Variants in RBFOX3 observed in about 807,000 individuals in gnomAD.
RBFOX3 encodes RNA binding protein fox-1 homolog 3.
Under a neutral mutation model 48.7 loss-of-function variants are expected in RBFOX3, and 17 were observed. The observed-to-expected ratio is 0.35, with a 90% CI of 0.24 to 0.52. The LOEUF is 0.52. Ranked by LOEUF, RBFOX3 falls within the 20% of genes least tolerant of loss-of-function variation. The pLI is 0.94. For synonymous variants in RBFOX3, 212 were observed against 209.5 expected (o/e 1.01, Z -0.10); for missense variants, 382 against 497.5 (o/e 0.77, Z 2.21).
chr17:79,096,726 G>A lies in RBFOX3; in HGVS notation c.863C>T (p.Ala288Val). 2 of 1,549,592 alleles carry A rather than the reference G, an allele frequency of 1.3e-6. No individual in the cohort carries two copies. ...TPEPAYPTSP[A>V]FPPLSCPFAS... ...AAACGGACAAGAAAGTGGTGGGAAC[G>A]CTGGAGAGGTGGGGTAGGCCGGCTC... Residue 288 changes from alanine (A) to valine (V), a missense_variant, in exon 12 of 15, where the codon GCG becomes GTG. Physicochemically the swap from Ala to Val is moderately conservative, Grantham distance 64. Transcript: ENST00000693108.
chr17:79,560,675 C>T (rs919857791), intron 1 of RBFOX3, among the ~76,000 whole-genome samples: 1 of 152,196 alleles, frequency 6.6e-6, no homozygotes, highest in Non-Finnish European at 1.5e-5. Context: ...CCTCACCTCA[C>T]CACAGCCAGA....
intron 9 of RBFOX3, chr17:79,099,774 GAC>G (rs1276397901): frequency 1.3e-4 from 20 of 152,344 alleles, no homozygotes; most frequent in African/African-American, 4.8e-4. Context: ...AGATGGCAGA[GAC>G]AGCCTGAGAC....
chr17:79,286,617 C>A (rs944955489), intron 3 of RBFOX3, among the ~76,000 whole-genome samples: 13 of 152,236 alleles, frequency 8.5e-5, no homozygotes, highest in Non-Finnish European at 1.9e-4. Context: ...CCAGCCTCGC[C>A]AGCCACCCCG....
chr17:79,487,860 C>T (rs760180999), intron 1 of RBFOX3, among the ~76,000 whole-genome samples: 63 of 146,198 alleles, frequency 4.3e-4, no homozygotes, highest in Non-Finnish European at 7.7e-4. Context: ...TGCAGTGAGC[C>T]GAGATCGCTC....
intron 2 of RBFOX3, among the ~76,000 whole-genome samples, chr17:79,407,831 G>A (rs934574781): frequency 1.3e-5 from 2 of 152,212 alleles, no homozygotes; most frequent in Admixed American, 6.5e-5. Flanking sequence ...CCTGTTCTCA[G>A]AGTCCTCTTT....
upstream of RBFOX3, among the ~76,000 whole-genome samples, chr17:79,611,169 T>TCTCTCTCTCTCTCTCGCTCTCGCTCGCG: frequency 7.7e-5 from 2 of 25,908 alleles, 1 homozygote. Flanking sequence ...TCTCTCTCTC[T>TCTCTCTCTCTCTCTCGCTCTCGCTCGCG]CTCTCCGCCC....
At chr17:79,295,420 G>T (rs1281315902) in intron 3 of RBFOX3, among the ~76,000 whole-genome samples, 1 of 152,158 alleles carries the variant, frequency 6.6e-6, no homozygotes, top group Non-Finnish European at 1.5e-5. Context: ...GTGAGGGAGC[G>T]AGGGAGGGAT....
chr17:79,349,222 C>G (rs1488120948), intron 2 of RBFOX3, among the ~76,000 whole-genome samples: 3 of 152,096 alleles, frequency 2.0e-5, no homozygotes, highest in Non-Finnish European at 4.4e-5. Flanking sequence ...TATCCCTGCT[C>G]AGCCCCTGCA....
intron 1 of RBFOX3, among the ~76,000 whole-genome samples, chr17:79,504,419 GT>G (rs2082798947): frequency 6.6e-6 from 1 of 152,184 alleles, no homozygotes; most frequent in Admixed American, 6.5e-5. Flanking sequence ...CACAAATAGA[GT>G]CGCTCAAAGC....
intron 3 of RBFOX3, among the ~76,000 whole-genome samples, chr17:79,251,252 T>C (rs887226990): frequency 5.3e-5 from 8 of 152,118 alleles, no homozygotes; most frequent in African/African-American, 1.9e-4. Context: ...AGGTTTACAA[T>C]CCAGATCTCT....
chr17:79,543,528 C>T (rs1555790965), intron 1 of RBFOX3, among the ~76,000 whole-genome samples: 2 of 152,148 alleles, frequency 1.3e-5, no homozygotes, highest in East Asian at 3.9e-4. Context: ...TACTCAGCTA[C>T]TCGGCACAGA....
At chr17:79,566,271 C>T (rs1287068513) in intron 1 of RBFOX3, among the ~76,000 whole-genome samples, 2 of 152,208 alleles carry the variant, frequency 1.3e-5, no homozygotes, top group East Asian at 3.9e-4. Context: ...TGCGTAAGCA[C>T]GTCTTGCCAT....
the RBFOX3 span, among the ~76,000 whole-genome samples, chr17:79,618,883 G>A: frequency 9.9e-5 from 15 of 152,130 alleles, no homozygotes; most frequent in Admixed American, 8.5e-4. Flanking sequence ...GGGAGCAGGA[G>A]GAGGAACTAG....
intron 4 of RBFOX3, among the ~76,000 whole-genome samples, chr17:79,218,173 A>C (rs921602731): frequency 2.6e-5 from 4 of 151,962 alleles, no homozygotes; most frequent in African/African-American, 9.7e-5. Flanking sequence ...GTGTGTGGGC[A>C]TCAGGTGGAC....
intron 12 of RBFOX3, among the ~76,000 whole-genome samples, chr17:79,096,037 G>A (rs1246057382): frequency 6.6e-6 from 1 of 152,178 alleles, no homozygotes; most frequent in African/African-American, 2.4e-5. Context: ...CACCAGGAAG[G>A]GTCAAGGGTA....
chr17:79,095,146 C>T (rs947829839), intron 13 of RBFOX3, among the ~76,000 whole-genome samples: 12 of 151,632 alleles, frequency 7.9e-5, no homozygotes, highest in African/African-American at 2.9e-4. Context: ...ACCAACAGGC[C>T]AGATGTCTGA....
intron 3 of RBFOX3, among the ~76,000 whole-genome samples, chr17:79,246,926 A>G (rs8072671): frequency 0.23 from 34,534 of 152,162 alleles, 4,099 homozygotes; most frequent in Non-Finnish European, 0.26. Flanking sequence ...GGCAGACGGC[A>G]CCACTCAGCA....
At chr17:79,321,443 G>A (rs12603040) in intron 2 of RBFOX3, among the ~76,000 whole-genome samples, 34,010 of 152,102 alleles carry the variant, frequency 0.22, 4,554 homozygotes, top group African/African-American at 0.36. Context: ...CTCCTAACTG[G>A]AGCCGAGACA....
At chr17:79,272,312 C>A (rs2067885768) in intron 3 of RBFOX3, among the ~76,000 whole-genome samples, 1 of 152,176 alleles carries the variant, frequency 6.6e-6, no homozygotes, top group Admixed American at 6.5e-5. Flanking sequence ...GCAGGAAGAC[C>A]CAGGCCTCAC....
Sources: gnomAD v4.1 joint callset for allele counts (sites outside exome capture counted in the v4.1 genomes callset) on GRCh38, gnomAD v4.1.1 for gene constraint, MANE v1.5 for transcripts, NCBI Gene and HGNC (gene_info 2026-07-23, HGNC 2026-07-21) for gene names.